The following RIMS2 variants were observed in gnomAD, a reference collection of about 807,000 sequenced individuals.
The protein encoded by RIMS2 is regulating synaptic membrane exocytosis 2.
Under a neutral mutation model 174.4 loss-of-function variants are expected in RIMS2, and 59 were observed. The ratio of observed to expected loss-of-function variants is 0.34; its 90% CI spans 0.27 to 0.42. RIMS2 has a LOEUF of 0.42. RIMS2 is among the 10% of genes least tolerant of loss of function. The probability of loss-of-function intolerance (pLI) is 1.00; values close to 1 mark genes in which losing one functional copy is unlikely to be tolerated. For missense variants in RIMS2, 1,620 were observed against 1,666.3 expected, an observed-to-expected ratio of 0.97 and a Z score of 0.48; for synonymous variants, 606 against 572.5, an observed-to-expected ratio of 1.06 and a Z score of -0.84.
intron 3 of RIMS2, among the ~76,000 whole-genome samples, chr8:103,852,272 T>C (rs1174911229): frequency 2.0e-5 from 3 of 151,876 alleles, no homozygotes; most frequent in Non-Finnish European, 2.9e-5. Context: ...TGGACTCACA[T>C]AGGGACTTGG....
chr8:103,617,514 C>G (rs1213176698), intron 1 of RIMS2, among the ~76,000 whole-genome samples: 1 of 151,984 alleles, frequency 6.6e-6, no homozygotes, highest in African/African-American at 2.4e-5. Context: ...GACATGTGAT[C>G]TAATTAAACT....
intron 1 of RIMS2, among the ~76,000 whole-genome samples, chr8:103,549,344 C>G (rs967502782): frequency 6.6e-6 from 1 of 152,114 alleles, no homozygotes; most frequent in Admixed American, 6.6e-5. Flanking sequence ...GAATTTTCAA[C>G]CCAGAATTTC....
At chr8:103,704,622 C>T (rs1044702612) in intron 2 of RIMS2, among the ~76,000 whole-genome samples, 1 of 151,954 alleles carries the variant, frequency 6.6e-6, no homozygotes, top group African/African-American at 2.4e-5. Context: ...TGATGACAGA[C>T]TTTTTATTAT....
intron 3 of RIMS2, among the ~76,000 whole-genome samples, chr8:103,858,411 A>C (rs996066375): frequency 2.6e-5 from 4 of 152,112 alleles, no homozygotes; most frequent in African/African-American, 7.2e-5. Flanking sequence ...TTCCAATTTT[A>C]TTTTAATATT....
intron 3 of RIMS2, among the ~76,000 whole-genome samples, chr8:103,838,460 T>G (rs956538389): frequency 1.3e-5 from 2 of 152,208 alleles, no homozygotes; most frequent in Non-Finnish European, 2.9e-5. Context: ...GGCCCAATTT[T>G]AAAGTAATAT....
chr8:103,673,753 C>A (rs139123579), intron 1 of RIMS2, among the ~76,000 whole-genome samples: 31 of 152,330 alleles, frequency 2.0e-4, no homozygotes, highest in African/African-American at 7.5e-4. Context: ...GCAGTTGGCT[C>A]CCATTTAGTA....
intron 15 of RIMS2, among the ~76,000 whole-genome samples, chr8:103,968,524 T>C (rs74715170): frequency 2.6e-5 from 4 of 151,950 alleles, no homozygotes; most frequent in Non-Finnish European, 5.9e-5. Context: ...CCTTTTTTTT[T>C]GGGTAGGTAC....
intron 4 of RIMS2, among the ~76,000 whole-genome samples, chr8:103,893,474 A>G (rs1004749859): frequency 1.3e-5 from 2 of 152,114 alleles, no homozygotes; most frequent in African/African-American, 4.8e-5. Context: ...GTGGGAGATT[A>G]TCCATTTATT....
At chr8:103,836,043 T>C (rs2098886923) in intron 3 of RIMS2, among the ~76,000 whole-genome samples, 1 of 152,212 alleles carries the variant, frequency 6.6e-6, no homozygotes, top group African/African-American at 2.4e-5. Context: ...ATACTTTTTC[T>C]TTACCTTCTA....
intron 19 of RIMS2, among the ~76,000 whole-genome samples, chr8:104,200,737 C>A (rs888198880): frequency 6.6e-6 from 1 of 152,110 alleles, no homozygotes; most frequent in Non-Finnish European, 1.5e-5. Flanking sequence ...GAAACCCAAT[C>A]TCTACAGAAA....
intron 19 of RIMS2, among the ~76,000 whole-genome samples, chr8:104,240,360 TC>T (rs2099280281): frequency 6.6e-6 from 1 of 152,234 alleles, no homozygotes; most frequent in African/African-American, 2.4e-5. Context: ...ATGTGACAAA[TC>T]ATTTGGAACA....
chr8:104,204,573 AAC>A (rs1348957509), intron 19 of RIMS2, among the ~76,000 whole-genome samples: 3 of 152,196 alleles, frequency 2.0e-5, no homozygotes, highest in African/African-American at 7.2e-5. Flanking sequence ...AAAAATATTA[AAC>A]AGTTGTCTGA....
At chr8:103,717,869 T>TGA (rs1324920004) in intron 2 of RIMS2, among the ~76,000 whole-genome samples, 1 of 152,218 alleles carries the variant, frequency 6.6e-6, no homozygotes, top group Non-Finnish European at 1.5e-5. Flanking sequence ...TCTAGTCACA[T>TGA]ATAGCTAGCT....
At chr8:104,028,128 TA>T (rs1286666282) in intron 19 of RIMS2, among the ~76,000 whole-genome samples, 79 of 140,910 alleles carry the variant, frequency 5.6e-4, no homozygotes, top group Admixed American at 5.7e-4. Flanking sequence ...ATAGAATCTC[TA>T]AAAAAAAAAA....
intron 11 of RIMS2, chr8:103,927,934 C>A (rs745598441): frequency 6.5e-6 from 10 of 1,543,998 alleles, no homozygotes; most frequent in Non-Finnish European, 8.8e-6. Context: ...TGTGTTTAAC[C>A]CTATTTGTAT....
At chr8:103,625,991 A>G (rs997983955) in intron 1 of RIMS2, among the ~76,000 whole-genome samples, 1 of 151,986 alleles carries the variant, frequency 6.6e-6, no homozygotes, top group African/African-American at 2.4e-5. Context: ...AATAGGAAAC[A>G]TGTTTCATTC....
At chr8:103,611,105 G>A (rs528002421) in intron 1 of RIMS2, among the ~76,000 whole-genome samples, 1 of 152,054 alleles carries the variant, frequency 6.6e-6, no homozygotes, top group Non-Finnish European at 1.5e-5. Context: ...TCTAGTTTGT[G>A]TGCATAGAGG....
At chr8:103,820,280 A>G (rs2098743939) in intron 3 of RIMS2, among the ~76,000 whole-genome samples, 1 of 152,064 alleles carries the variant, frequency 6.6e-6, no homozygotes, top group Admixed American at 6.6e-5. Flanking sequence ...ATTCTATTAA[A>G]GAATGTTTTT....
intron 3 of RIMS2, among the ~76,000 whole-genome samples, chr8:103,788,812 G>T (rs1350218571): frequency 6.6e-6 from 1 of 151,838 alleles, no homozygotes; most frequent in South Asian, 2.1e-4. Context: ...GTTGGAGCTT[G>T]CTGGCTGCTT....
Sources: gnomAD v4.1 joint callset for allele counts (sites outside exome capture counted in the v4.1 genomes callset) on GRCh38, gnomAD v4.1.1 for gene constraint, MANE v1.5 for transcripts, NCBI Gene and HGNC (gene_info 2026-07-23, HGNC 2026-07-21) for gene names.